The following CTCF variants were observed in gnomAD, a reference collection of about 807,000 sequenced individuals.
CTCF encodes the protein transcriptional repressor CTCF.
Under a neutral mutation model 72.3 loss-of-function variants are expected in CTCF, and 7 were observed. The observed-to-expected ratio is 0.10, with a 90% CI of 0.06 to 0.18. The LOEUF (loss-of-function observed/expected upper bound fraction) is 0.18. CTCF is among the 10% of genes least tolerant of loss of function. The pLI is 1.00. For missense variants in CTCF, 516 were observed against 949.1 expected (o/e 0.54, Z 6.00); for synonymous variants, 374 against 315.8 (o/e 1.18, Z -1.95).
intron 1 of CTCF, among the ~76,000 whole-genome samples, chr16:67,570,045 T>C (rs1567589694): frequency 6.6e-6 from 1 of 151,726 alleles, no homozygotes; most frequent in Non-Finnish European, 1.5e-5. Context: ...AATAAACTGT[T>C]AGAGAGCCAT....
At chr16:67,595,303 A>C (rs2051796763) in intron 2 of CTCF, among the ~76,000 whole-genome samples, 1 of 151,734 alleles carries the variant, frequency 6.6e-6, no homozygotes, top group Non-Finnish European at 1.5e-5. Flanking sequence ...AACTATAGGT[A>C]CAAACCACCA....
intron 2 of CTCF, among the ~76,000 whole-genome samples, chr16:67,605,721 A>T (rs2051964362): frequency 6.6e-6 from 1 of 152,230 alleles, no homozygotes. Context: ...TCAGAAACAC[A>T]TTTGGAGCAA....
intron 2 of CTCF, among the ~76,000 whole-genome samples, chr16:67,601,217 GGTGTGT>G (rs59655549): frequency 0.028 from 3,615 of 128,316 alleles, 85 homozygotes; most frequent in East Asian, 0.056. Flanking sequence ...TGCACTAAGG[GGTGTGT>G]GTGTGTGTGT....
chr16:67,624,716 G>C (rs1352910981), intron 7 of CTCF, among the ~76,000 whole-genome samples: 1 of 151,136 alleles, frequency 6.6e-6, no homozygotes, highest in African/African-American at 2.4e-5. Flanking sequence ...AGCCTCCCTG[G>C]TAGCTAGGAC....
At chr16:67,582,206 G>T (rs1270678622) in intron 2 of CTCF, among the ~76,000 whole-genome samples, 1 of 144,084 alleles carries the variant, frequency 6.9e-6, no homozygotes, top group Non-Finnish European at 1.5e-5. Flanking sequence ...GCAAGACTCC[G>T]TCTCAAAAAA....
At chr16:67,577,831 C>G (rs534047920) in intron 2 of CTCF, among the ~76,000 whole-genome samples, 4 of 152,150 alleles carry the variant, frequency 2.6e-5, no homozygotes, top group Non-Finnish European at 5.9e-5. Context: ...CAGGAGGAAG[C>G]TCCTGCATCT....
intron 10 of CTCF, 31 bp from the exon 11 acceptor site, chr16:67,636,659 C>T: frequency 6.4e-7 from 1 of 1,553,032 alleles, no homozygotes; most frequent in Non-Finnish European, 8.7e-7. Flanking sequence ...CTCCTTGCCC[C>T]ACCACCTGTG....
At chr16:67,626,264 C>T (rs1301478995) in intron 7 of CTCF, among the ~76,000 whole-genome samples, 1 of 151,446 alleles carries the variant, frequency 6.6e-6, no homozygotes, top group African/African-American at 2.4e-5. Flanking sequence ...ATGATGAAAC[C>T]CTGTCTCTAC....
At chr16:67,631,416 C>T (rs566759771) in intron 10 of CTCF, among the ~76,000 whole-genome samples, 2 of 152,066 alleles carry the variant, frequency 1.3e-5, no homozygotes, top group African/African-American at 2.4e-5. Context: ...CCATCCGCCT[C>T]GGCCTCCCAA....
chr16:67,567,297 G>T (rs2051355909), intron 1 of CTCF, among the ~76,000 whole-genome samples: 1 of 152,202 alleles, frequency 6.6e-6, no homozygotes. Context: ...GGTTAGGATG[G>T]TATTCTTTCA....
intron 4 of CTCF, 54 bp from the exon 5 acceptor site, chr16:67,616,689 CTG>C: frequency 1.3e-6 from 2 of 1,598,632 alleles, no homozygotes; most frequent in Non-Finnish European, 1.7e-6. Context: ...ACATTGAACT[CTG>C]TCATTAACTG....
At chr16:67,587,100 ATTTTTTTTTTT>A (rs754060008) in intron 2 of CTCF, among the ~76,000 whole-genome samples, 2 of 98,738 alleles carry the variant, frequency 2.0e-5, no homozygotes, top group East Asian at 2.8e-4. Context: ...CTTCTTAAAC[ATTTTTTTTTTT>A]TTTTTTTTTT....
intron 7 of CTCF, chr16:67,623,288 TCCTTCTTTTTTCTCTC>T (rs2052230109): frequency 6.6e-6 from 1 of 152,100 alleles, no homozygotes; most frequent in Admixed American, 6.6e-5. Flanking sequence ...CCTCTAATTT[TCCTTCTTTTTTCTCTC>T]CCCTCTTGGT....
chr16:67,585,308 C>A (rs1193283373), intron 2 of CTCF, among the ~76,000 whole-genome samples: 1 of 152,212 alleles, frequency 6.6e-6, no homozygotes, highest in Non-Finnish European at 1.5e-5. Flanking sequence ...CCTTGGCCTC[C>A]CAAAGTGCTG....
At chr16:67,588,533 G>A (rs181089062) in intron 2 of CTCF, among the ~76,000 whole-genome samples, 6 of 152,106 alleles carry the variant, frequency 3.9e-5, no homozygotes, top group African/African-American at 1.4e-4. Flanking sequence ...TTTGGGCTAT[G>A]GAGAGCAGAG....
At chr16:67,578,896 C>T (rs1261921241) in intron 2 of CTCF, among the ~76,000 whole-genome samples, 3 of 150,782 alleles carry the variant, frequency 2.0e-5, no homozygotes, top group Non-Finnish European at 2.9e-5. Flanking sequence ...TGCAGTGAGC[C>T]GAGATTGCAC....
At chr16:67,579,425 C>T (rs2051549914) in intron 2 of CTCF, among the ~76,000 whole-genome samples, 1 of 151,052 alleles carries the variant, frequency 6.6e-6, no homozygotes, top group African/African-American at 2.4e-5. Context: ...GTGCCGTGAT[C>T]TCGGCTCACT....
Position 67,565,293 on chromosome 16 carries a change from C to T in CTCF, c.-127+2569C>T, listed in dbSNP as rs113110011. Among the ~76,000 whole-genome samples, 32 of 151,704 alleles carry T rather than the reference C, an allele frequency of 2.1e-4. 1 individual carries two copies. Among genetic ancestry groups the T allele is most frequent in the African/African-American group, 7.0e-4 (29 of 41,348 alleles). Reference sequence around the variant, plus strand: ...CTGGGATTACAGGCGTGAGCCATCTCGCCAGGCCAGGACCTGTTATTTAAA... The same window carrying T: ...CTGGGATTACAGGCGTGAGCCATCTTGCCAGGCCAGGACCTGTTATTTAAA... On this transcript the variant is annotated intron_variant, in intron 1 of 11. Coordinates refer to ENST00000264010, the MANE Select transcript of CTCF (RefSeq NM_006565.4).
intron 2 of CTCF, among the ~76,000 whole-genome samples, chr16:67,602,881 G>A (rs921694784): frequency 2.0e-5 from 3 of 151,646 alleles, no homozygotes; most frequent in Admixed American, 6.6e-5. Flanking sequence ...ATCTTAATGG[G>A]GAAACAGTAA....
Sources: gnomAD v4.1 joint callset for allele counts (sites outside exome capture counted in the v4.1 genomes callset) on GRCh38, gnomAD v4.1.1 for gene constraint, MANE v1.5 for transcripts, NCBI Gene and HGNC (gene_info 2026-07-23, HGNC 2026-07-21) for gene names.